Variants in POC1A observed in about 807,000 individuals in gnomAD.
POC1A encodes POC1 centriolar protein homolog A.
In POC1A, 34 loss-of-function variants were observed where a neutral mutation model predicts 47.8. The ratio of observed to expected loss-of-function variants is 0.71; its 90% CI spans 0.54 to 0.95. The LOEUF is 0.95. POC1A is among the 40% of genes least tolerant of loss of function. The pLI, the probability that POC1A is intolerant of heterozygous loss-of-function variation, is 0.00. For missense variants in POC1A, 466 were observed against 528.3 expected (o/e 0.88, Z 1.16); for synonymous variants, 177 against 207.6 (o/e 0.85, Z 1.27).
At chr3:52,096,528 G>A in intron 10 of POC1A, 41 bp downstream of exon 10, 1 of 1,491,980 alleles carries the variant, frequency 6.7e-7, no homozygotes, top group Non-Finnish European at 9.0e-7. Context: ...GGGACCAAGT[G>A]CAGATGACGG....
chr3:52,134,629 C>CTGAA (rs1219729667), intron 7 of POC1A, among the ~76,000 whole-genome samples: 1 of 152,172 alleles, frequency 6.6e-6, no homozygotes, highest in East Asian at 1.9e-4. Flanking sequence ...GAAACTGTCT[C>CTGAA]TGAATGAATG....
At chr3:52,082,660 C>T (rs964801619) in intron 10 of POC1A, among the ~76,000 whole-genome samples, 4 of 152,092 alleles carry the variant, frequency 2.6e-5, no homozygotes, top group East Asian at 1.9e-4. Flanking sequence ...ACGTGTAAAA[C>T]GTTTTATGTA....
chr3:52,149,281 T>G lies in POC1A; in HGVS notation c.384A>C (p.Lys128Asn), dbSNP rs1223371732. 6.2e-7 allele frequency: 1 copy of G among 1,614,192 alleles called. No individual in the cohort carries two copies. The highest frequency in any genetic ancestry group is 8.5e-7 in the Non-Finnish European group (1 of 1,180,024). ...ATTTCTGGCGATGAGTTGCCCACAC[T>G]TTGACTGTCTTGTCGTCAGAGGCTG... is the stretch of plus-strand genomic sequence containing the variant. ...FVTASDDKTV[K>N]VWATHRQKFL... is the part of the protein sequence containing the mutation. The change falls in exon 4 of 11, where the codon AAA becomes AAC. Residue 128 changes from lysine to asparagine, a missense_variant. Physicochemically the swap from Lys to Asn is moderately conservative, Grantham distance 94. Transcript: ENST00000296484.
chr3:52,138,845 T>G (rs985700974), intron 6 of POC1A, among the ~76,000 whole-genome samples: 3 of 152,052 alleles, frequency 2.0e-5, no homozygotes, highest in Non-Finnish European at 2.9e-5. Flanking sequence ...CCCATGACGT[T>G]TTTTGAGAGA....
intron 3 of POC1A, 36 bp from the exon 4 acceptor site, chr3:52,149,425 T>C (rs1253503255): frequency 6.3e-7 from 1 of 1,597,930 alleles, no homozygotes; most frequent in Non-Finnish European, 8.6e-7. Flanking sequence ...AGGAAACCCA[T>C]AACAGTGACA....
intron 9 of POC1A, among the ~76,000 whole-genome samples, chr3:52,103,798 T>C (rs989242470): frequency 1.3e-5 from 2 of 152,090 alleles, no homozygotes; most frequent in African/African-American, 4.8e-5. Context: ...CATACAACTA[T>C]ATGCGTATTA....
intron 9 of POC1A, among the ~76,000 whole-genome samples, chr3:52,100,670 C>T (rs1362847254): frequency 6.6e-6 from 1 of 152,148 alleles, no homozygotes; most frequent in Admixed American, 6.5e-5. Context: ...GGTAAGAGTG[C>T]AGAACCCCCA....
chr3:52,126,306 G>C (rs1703997910), intron 7 of POC1A, among the ~76,000 whole-genome samples: 1 of 152,188 alleles, frequency 6.6e-6, no homozygotes. Context: ...GGAGGGAAAA[G>C]GGACCTCGAG....
rs2106952895 is a variant in POC1A, at chr3:52,090,216, A to T, written c.1125+6353T>A. On this transcript the variant is annotated intron_variant, in intron 10 of 10. Transcript: ENST00000296484. This position sits in a 1 kb window ranked among gnomAD's most constrained non-coding sequence, Gnocchi z 4.2. ...AGCCTCCATGAGTCACAGGAACTGG[A>T]ACGTGACATCACAGCATTGCTGTGG... 6.6e-6 allele frequency among the ~76,000 whole-genome samples: 1 copy of T among 152,342 alleles called. No homozygotes were observed.
intron 1 of POC1A, among the ~76,000 whole-genome samples, chr3:52,154,102 G>A (rs900978292): frequency 1.3e-5 from 2 of 152,264 alleles, no homozygotes; most frequent in African/African-American, 2.4e-5. Flanking sequence ...TGTGTCCCTC[G>A]CTAGGATGCA....
chr3:52,154,059 G>A (rs190329963), intron 1 of POC1A, among the ~76,000 whole-genome samples: 1 of 152,376 alleles, frequency 6.6e-6, no homozygotes, highest in East Asian at 1.9e-4. Flanking sequence ...CCCGATACCG[G>A]CCCCAGGTCA....
rs370528660 is a variant in POC1A, at chr3:52,147,079, G to A, written c.472C>T (p.Arg158Trp). ...VRCAKFSPDG[R>W]LIVSASDDKT... Reference sequence around the variant, plus strand: ...TCATCACTGGCAGACACGATGAGCCGCCCGTCGGGGGAGAACCTGAACCGG... The same window carrying A: ...TCATCACTGGCAGACACGATGAGCCACCCGTCGGGGGAGAACCTGAACCGG... Residue 158 changes from arginine (R) to tryptophan (W), a missense_variant, in exon 5 of 11, where the codon CGG becomes TGG. Transcript: ENST00000296484. 2.5e-6 allele frequency: 4 copies of A among 1,613,816 alleles called. No homozygotes were observed. Among genetic ancestry groups the A allele is most frequent in the Admixed American group, 3.3e-5 (2 of 60,004 alleles).
intron 9 of POC1A, among the ~76,000 whole-genome samples, chr3:52,121,910 G>C (rs1703793089): frequency 6.6e-6 from 1 of 152,138 alleles, no homozygotes; most frequent in Non-Finnish European, 1.5e-5. Flanking sequence ...ATGGTTTGTG[G>C]CTGAGGAACT....
At chr3:52,100,951 G>A (rs1484237540) in intron 9 of POC1A, among the ~76,000 whole-genome samples, 2 of 152,000 alleles carry the variant, frequency 1.3e-5, no homozygotes, top group African/African-American at 2.4e-5. Context: ...AAACTATCCT[G>A]AGCTGAGATT....
Position 52,079,452 on chromosome 3 carries a change from C to CTT in POC1A, c.1126-3468_1126-3467insAA, listed in dbSNP as rs1702218350. 1.3e-5 allele frequency among the ~76,000 whole-genome samples: 2 copies of CTT among 152,238 alleles called. No individual in the cohort carries two copies. Among genetic ancestry groups the CTT allele is most frequent in the South Asian group, 2.1e-4 (1 of 4,834 alleles). On this transcript the variant is annotated intron_variant, in intron 10 of 10. Transcript: ENST00000296484. This position sits in a 1 kb window ranked among gnomAD's most constrained non-coding sequence, Gnocchi z 4.6. Reference sequence around the variant, plus strand: ...GCAGGCAAATACCTCTGCGGCCTCCCCGGGTCCACACTCCATGGCCTGGAA... The same window carrying CTT: ...GCAGGCAAATACCTCTGCGGCCTCCCTTCGGGTCCACACTCCATGGCCTGGAA...
intron 10 of POC1A, among the ~76,000 whole-genome samples, chr3:52,083,804 T>C (rs1702376037): frequency 6.6e-6 from 1 of 152,154 alleles, no homozygotes; most frequent in East Asian, 1.9e-4. Flanking sequence ...GAGCATCAAC[T>C]CTGACAGGAA....
At chr3:52,123,183 A>G (rs1703859289) in intron 8 of POC1A, among the ~76,000 whole-genome samples, 1 of 152,238 alleles carries the variant, frequency 6.6e-6, no homozygotes, top group African/African-American at 2.4e-5. Context: ...CACACTCGTC[A>G]TCCCAAGGCT....
chr3:52,143,624 C>T (rs546729323), intron 6 of POC1A, among the ~76,000 whole-genome samples: 116 of 152,242 alleles, frequency 7.6e-4, no homozygotes, highest in African/African-American at 2.6e-3. Context: ...GGCCCCTCCA[C>T]CCCAACAGGG....
At chr3:52,119,198 C>T (rs987041606) in intron 9 of POC1A, among the ~76,000 whole-genome samples, 1 of 152,034 alleles carries the variant, frequency 6.6e-6, no homozygotes, top group Admixed American at 6.6e-5. Flanking sequence ...CGTCCGCATG[C>T]CCAGGGCCTC....
Sources: allele counts gnomAD v4.1 joint callset (sites outside exome capture counted in the v4.1 genomes callset), GRCh38; gene constraint gnomAD v4.1.1; non-coding constraint Gnocchi (gnomAD v3.1); transcripts MANE v1.5; gene names NCBI Gene and HGNC (gene_info 2026-07-23, HGNC 2026-07-21).